PRKCH: variants seen among roughly 807,000 people sequenced by gnomAD.
PRKCH encodes the protein protein kinase C eta.
A neutral mutation model predicts 82.5 loss-of-function variants in PRKCH; 28 were observed. That is an observed-to-expected ratio of 0.34 (90% CI 0.25 to 0.47). The LOEUF (loss-of-function observed/expected upper bound fraction) is 0.47. Among genes scored for constraint, PRKCH ranks in the 20% least tolerant of loss-of-function variants. The pLI, the probability that PRKCH is intolerant of heterozygous loss-of-function variation, is 1.00. For synonymous variants in PRKCH, 322 were observed against 327.4 expected (o/e 0.98, Z 0.18); for missense variants, 705 against 881.8 (o/e 0.80, Z 2.54).
At chr14:61,290,231 G>T (rs879726035) in intron 1 of PRKCH, among the ~76,000 whole-genome samples, 1 of 151,768 alleles carries the variant, frequency 6.6e-6, no homozygotes, top group East Asian at 1.9e-4. Flanking sequence ...GGCGGAGGTT[G>T]CAGTGAGCCA....
upstream of PRKCH, among the ~76,000 whole-genome samples, chr14:61,318,756 C>T (rs535897582): frequency 6.1e-4 from 93 of 152,174 alleles, no homozygotes; most frequent in Admixed American, 2.6e-3. Context: ...GGTCTCCCCA[C>T]ACTCGTGCTG....
intron 2 of PRKCH, among the ~76,000 whole-genome samples, chr14:61,408,276 G>A (rs1177536910): frequency 6.6e-6 from 1 of 152,148 alleles, no homozygotes; most frequent in African/African-American, 2.4e-5. Context: ...TTGGGGGCAT[G>A]GTGGAGAGAG....
chr14:61,210,810 G>GCGCA (rs1218690071), intron 1 of PRKCH, among the ~76,000 whole-genome samples: 1 of 151,562 alleles, frequency 6.6e-6, no homozygotes, highest in East Asian at 2.0e-4. Flanking sequence ...GTGTGTGTGT[G>GCGCA]TGTGCGTGCA....
chr14:61,343,751 A>G (rs1885332081), intron 1 of PRKCH, among the ~76,000 whole-genome samples: 1 of 152,252 alleles, frequency 6.6e-6, no homozygotes, highest in Admixed American at 6.5e-5. Context: ...TTTGTCCATA[A>G]CTTTGTTAGA....
At chr14:61,367,875 CG>C (rs2046317603) in intron 1 of PRKCH, among the ~76,000 whole-genome samples, 1 of 151,774 alleles carries the variant, frequency 6.6e-6, no homozygotes, top group Admixed American at 6.6e-5. Context: ...CCACCACGCC[CG>C]GCTAATTTTT....
chr14:61,482,024 C>T lies in PRKCH; in HGVS notation c.1279-3478C>T, dbSNP rs550188280. ...TTTTTTTTTTTTTTTGAGACAGAGTCCCCCTCTGTCTCCCAGGCTGGAGTG... is the reference window on the plus strand; with the variant it reads ...TTTTTTTTTTTTTTTGAGACAGAGTTCCCCTCTGTCTCCCAGGCTGGAGTG... On this transcript the variant is annotated intron_variant, in intron 9 of 13. Coordinates refer to ENST00000332981, the MANE Select transcript of PRKCH (RefSeq NM_006255.5). Among the ~76,000 whole-genome samples the T allele has an allele frequency of 3.0e-5, 4 of 133,538 alleles. No individual in the cohort carries two copies. The East Asian group carries it at 1.0e-3, about 34-fold the overall frequency. 87.6% of individuals were successfully genotyped at this position (133,538 alleles called of 152,430 possible).
chr14:61,341,069 T>G (rs575807824), intron 1 of PRKCH, among the ~76,000 whole-genome samples: 1 of 152,222 alleles, frequency 6.6e-6, no homozygotes, highest in Non-Finnish European at 1.5e-5. Flanking sequence ...CTCCATAAAC[T>G]GCCTGGATGA....
chr14:61,287,404 G>A (rs190831179), intron 1 of PRKCH, among the ~76,000 whole-genome samples: 2 of 151,816 alleles, frequency 1.3e-5, no homozygotes, highest in Non-Finnish European at 2.9e-5. Flanking sequence ...AAAGAAGAGA[G>A]GGGGTTGACT....
At chr14:61,392,134 G>C (rs969189265) in intron 2 of PRKCH, among the ~76,000 whole-genome samples, 1 of 151,368 alleles carries the variant, frequency 6.6e-6, no homozygotes, top group Non-Finnish European at 1.5e-5. Context: ...TATAAATGTA[G>C]CATCCATTTG....
At chr14:61,338,906 G>GA (rs2045892926) in intron 1 of PRKCH, among the ~76,000 whole-genome samples, 2 of 152,086 alleles carry the variant, frequency 1.3e-5, no homozygotes, top group South Asian at 4.1e-4. Flanking sequence ...TCATGATTCT[G>GA]AAAAATTGTG....
chr14:61,497,930 G>T (rs774749387), intron 10 of PRKCH, among the ~76,000 whole-genome samples: 7 of 152,000 alleles, frequency 4.6e-5, no homozygotes. Flanking sequence ...AGGTAATATA[G>T]GTGATTTTTA....
intron 9 of PRKCH, among the ~76,000 whole-genome samples, chr14:61,458,986 C>CA (rs1566894545): frequency 6.6e-6 from 1 of 152,154 alleles, no homozygotes; most frequent in Non-Finnish European, 1.5e-5. Flanking sequence ...GAGCAAATAT[C>CA]AGGCCAAGAT....
intron 2 of PRKCH, among the ~76,000 whole-genome samples, chr14:61,440,046 A>G (rs369420294): frequency 1.3e-5 from 2 of 152,358 alleles, no homozygotes; most frequent in South Asian, 2.1e-4. Flanking sequence ...TCTATACATG[A>G]TAAGTGTTTA....
chr14:61,367,807 C>T (rs963691223), intron 1 of PRKCH, among the ~76,000 whole-genome samples: 1 of 151,366 alleles, frequency 6.6e-6, no homozygotes, highest in Admixed American at 6.6e-5. Flanking sequence ...CTCCGCCTCC[C>T]AGGTTCACGC....
chr14:61,192,964 C>T (rs1200503507), intron 1 of PRKCH, among the ~76,000 whole-genome samples: 1 of 152,162 alleles, frequency 6.6e-6, no homozygotes, highest in African/African-American at 2.4e-5. Flanking sequence ...CATGAAGTCA[C>T]CATGAACATG....
chr14:61,221,753 C>A (rs1376897678), intron 1 of PRKCH, among the ~76,000 whole-genome samples: 1 of 152,114 alleles, frequency 6.6e-6, no homozygotes, highest in East Asian at 1.9e-4. Flanking sequence ...GCCCTCCAGA[C>A]CCCCCAGTGT....
intron 7 of PRKCH, among the ~76,000 whole-genome samples, chr14:61,454,260 C>T (rs1018217016): frequency 9.2e-5 from 14 of 152,008 alleles, no homozygotes; most frequent in South Asian, 4.2e-4. Flanking sequence ...CCCACTACCG[C>T]GCCTGGCTGA....
chr14:61,527,472 C>A (rs750756721), intron 10 of PRKCH, among the ~76,000 whole-genome samples: 3 of 152,164 alleles, frequency 2.0e-5, no homozygotes, highest in Non-Finnish European at 4.4e-5. Flanking sequence ...TTCACCGAAG[C>A]CCTGCTTCCT....
chr14:61,450,718 A>G (rs1884467218), intron 5 of PRKCH, 124 bp from the exon 6 acceptor site: 2 of 1,173,096 alleles, frequency 1.7e-6, no homozygotes, highest in South Asian at 3.2e-5. Flanking sequence ...TGAGTACAGT[A>G]AAATAATATA....
Sources: gnomAD v4.1 joint callset for allele counts (sites outside exome capture counted in the v4.1 genomes callset) on GRCh38, gnomAD v4.1.1 for gene constraint, MANE v1.5 for transcripts, NCBI Gene and HGNC (gene_info 2026-07-23, HGNC 2026-07-21) for gene names.